GPATCH8: variants seen among roughly 807,000 people sequenced by gnomAD.
GPATCH8 encodes G patch domain-containing protein 8.
GPATCH8 carries 18 observed loss-of-function variants against 118.3 expected under a neutral mutation model. That is an observed-to-expected ratio of 0.15 (90% CI 0.11 to 0.23). The LOEUF (loss-of-function observed/expected upper bound fraction) is 0.23, where lower values mean the gene tolerates loss of function less well. GPATCH8 is among the 10% of genes least tolerant of loss of function. GPATCH8 has a pLI of 1.00. For synonymous variants in GPATCH8, 659 were observed against 684.7 expected (o/e 0.96, Z 0.59); for missense variants, 1,631 against 1,873.8 (o/e 0.87, Z 2.39).
chr17:44,443,833 T>A (rs1188724003), intron 3 of GPATCH8, among the ~76,000 whole-genome samples: 1 of 152,166 alleles, frequency 6.6e-6, no homozygotes, highest in Non-Finnish European at 1.5e-5. Context: ...CACATGTGGC[T>A]AATTCTTGTT....
intron 6 of GPATCH8, among the ~76,000 whole-genome samples, chr17:44,414,131 A>ATATATATATATGTGTATATATATGTGTG (rs1567955652): frequency 3.4e-4 from 9 of 26,614 alleles, no homozygotes; most frequent in Non-Finnish European, 5.7e-4. Flanking sequence ...ATATATGTGT[A>ATATATATATATGTGTATATATATGTGTG]TATATATATA....
intron 3 of GPATCH8, among the ~76,000 whole-genome samples, chr17:44,463,449 C>A (rs879393293): frequency 2.0e-5 from 3 of 152,188 alleles, no homozygotes; most frequent in Admixed American, 6.5e-5. Flanking sequence ...TACAGGTGCA[C>A]GATCTTGGCT....
At chr17:44,428,076 G>A (rs1188625052) in intron 5 of GPATCH8, among the ~76,000 whole-genome samples, 1 of 152,106 alleles carries the variant, frequency 6.6e-6, no homozygotes, top group Admixed American at 6.5e-5. Context: ...GAGCTCAAGA[G>A]TTTGAAACCA....
At position 44,400,587 on chromosome 17, in the gene GPATCH8, C is replaced by T; in HGVS notation, c.1490G>A (p.Ser497Asn). ...GGDVSDQSLE[S>N]HSQKVSETQM... The stretch of plus-strand genomic sequence containing the variant: ...GGTCTCTGAAACCTTCTGACTATGA[C>T]TTTCTAAACTCTGATCACTTACATC... Residue 497 changes from serine (S) to asparagine (N), a missense_variant, in exon 8 of 8, where the codon AGT (serine) becomes AAT (asparagine). Around this residue, in one of 8 missense-constraint regions of GPATCH8, gnomAD observed 405 missense variants for 462.7 expected, o/e 0.88. Coordinates refer to ENST00000591680, the MANE Select transcript of GPATCH8 (RefSeq NM_001002909.4). The T allele has an allele frequency of 6.2e-7, 1 of 1,614,174 alleles. No individual in the cohort carries two copies. The highest frequency in any genetic ancestry group is 8.5e-7 in the Non-Finnish European group (1 of 1,180,006).
intron 1 of GPATCH8, among the ~76,000 whole-genome samples, chr17:44,476,747 G>A (rs534614238): frequency 6.6e-6 from 1 of 152,110 alleles, no homozygotes; most frequent in Non-Finnish European, 1.5e-5. Flanking sequence ...CTGCAAAGGA[G>A]ATAAACATGC....
At chr17:44,421,557 G>C (rs2049903313) in intron 6 of GPATCH8, among the ~76,000 whole-genome samples, 1 of 151,700 alleles carries the variant, frequency 6.6e-6, no homozygotes, top group South Asian at 2.1e-4. Flanking sequence ...ATGGAGATGG[G>C]GTTTCGCCAT....
intron 1 of GPATCH8, chr17:44,486,076 A>AT (rs1479971054): frequency 7.9e-5 from 12 of 152,006 alleles, no homozygotes; most frequent in Admixed American, 7.2e-4. Context: ...TGTTTGTTTA[A>AT]TGTGGTTTTT....
chr17:44,432,418 A>G (rs1598475972), intron 5 of GPATCH8, among the ~76,000 whole-genome samples: 1 of 152,298 alleles, frequency 6.6e-6, no homozygotes, highest in African/African-American at 2.4e-5. Flanking sequence ...CTGAGTACCA[A>G]TGTTTGAGAA....
chr17:44,441,158 C>G (rs2050676248), intron 3 of GPATCH8, among the ~76,000 whole-genome samples: 1 of 152,022 alleles, frequency 6.6e-6, no homozygotes, highest in South Asian at 2.1e-4. Context: ...CAGGGAAACA[C>G]TATTTTTAAA....
At chr17:44,403,170 G>A (rs571108688) in intron 7 of GPATCH8, among the ~76,000 whole-genome samples, 5 of 152,154 alleles carry the variant, frequency 3.3e-5, no homozygotes, top group Admixed American at 2.0e-4. Context: ...CTACCTCCCG[G>A]GTTCAAGTGA....
At chr17:44,443,181 C>T (rs1262109147) in intron 3 of GPATCH8, among the ~76,000 whole-genome samples, 2 of 152,128 alleles carry the variant, frequency 1.3e-5, no homozygotes, top group African/African-American at 4.8e-5. Flanking sequence ...AATGCAAATA[C>T]ATATGTGAAA....
chr17:44,403,337 T>A, intron 7 of GPATCH8, among the ~76,000 whole-genome samples: 1 of 151,996 alleles, frequency 6.6e-6, no homozygotes, highest in Admixed American at 6.6e-5. Flanking sequence ...CCTCCCAAAG[T>A]GCTGGGATTA....
intron 6 of GPATCH8, among the ~76,000 whole-genome samples, chr17:44,422,919 A>G (rs1413626885): frequency 6.6e-6 from 1 of 152,088 alleles, no homozygotes; most frequent in Non-Finnish European, 1.5e-5. Flanking sequence ...TTGTCTATAT[A>G]TATATGCTCT....
In GPATCH8 at chr17:44,405,901, C is replaced by G. The variant is rs749018175; in HGVS notation, c.623+20G>C. 2 of 1,550,904 alleles carry G rather than the reference C, an allele frequency of 1.3e-6. No homozygotes were observed. Among genetic ancestry groups the G allele is most frequent in the African/African-American group, 2.7e-5 (2 of 73,682 alleles). Reference sequence around the variant, plus strand: ...GGATTATAATTATCTGTACAACCCTCTGATAAAAAATATCCTCACCATTCA... The same window carrying G: ...GGATTATAATTATCTGTACAACCCTGTGATAAAAAATATCCTCACCATTCA... On this transcript the variant is annotated intron_variant, in intron 7 of 7. Transcript: ENST00000591680.
intron 1 of GPATCH8, among the ~76,000 whole-genome samples, chr17:44,477,849 G>A (rs1169276601): frequency 6.6e-6 from 1 of 152,058 alleles, no homozygotes; most frequent in Non-Finnish European, 1.5e-5. Flanking sequence ...TTGGTCTGTC[G>A]CCCAGGCTAG....
chr17:44,469,972 C>A (rs1289861863), intron 2 of GPATCH8, among the ~76,000 whole-genome samples: 1 of 152,178 alleles, frequency 6.6e-6, no homozygotes, highest in Non-Finnish European at 1.5e-5. Flanking sequence ...CTTCCAAATC[C>A]TTAAGATGCG....
chr17:44,396,436 A>G lies in GPATCH8; in HGVS notation c.*1132T>C, dbSNP rs1232869427. ...AAAATCCCAATACTGGGGGCACTAC[A>G]TACTGCAAATTACTTAACATTTTGT... On this transcript the variant is annotated 3_prime_UTR_variant, in exon 8 of 8. Transcript: ENST00000591680. 2.2e-6 allele frequency: 1 copy of G among 454,434 alleles called. No individual in the cohort carries two copies. Among genetic ancestry groups the G allele is most frequent in the Admixed American group, 2.3e-5 (1 of 42,576 alleles). 28.2% of individuals were successfully genotyped at this position (454,434 alleles called of 1,614,324 possible). A position where few individuals can be genotyped will look rare whatever the true frequency, so the allele number is the denominator to read the frequency against.
At chr17:44,490,614 TAAGTTCAA>T (rs1457551403) in intron 1 of GPATCH8, among the ~76,000 whole-genome samples, 2 of 151,756 alleles carry the variant, frequency 1.3e-5, no homozygotes, top group Admixed American at 1.3e-4. Context: ...ATCAGGAATT[TAAGTTCAA>T]AAGGGTCAGA....
At chr17:44,425,741 C>A (rs1260356950) in intron 5 of GPATCH8, among the ~76,000 whole-genome samples, 1 of 152,044 alleles carries the variant, frequency 6.6e-6, no homozygotes, top group Admixed American at 6.5e-5. Flanking sequence ...GCTGCCAAAG[C>A]TGGTCATGAA....
Sources: allele counts gnomAD v4.1 joint callset (sites outside exome capture counted in the v4.1 genomes callset), GRCh38; gene constraint gnomAD v4.1.1; regional missense constraint gnomAD v4.1.1; transcripts MANE v1.5; gene names NCBI Gene and HGNC (gene_info 2026-07-23, HGNC 2026-07-21).